The following ALPL variants were observed in gnomAD, a reference collection of about 807,000 sequenced individuals.
ALPL encodes alkaline phosphatase, tissue-nonspecific isozyme.
Under a neutral mutation model 51.3 loss-of-function variants are expected in ALPL, and 42 were observed. That is an observed-to-expected ratio of 0.82 (90% CI 0.64 to 1.06). ALPL has a LOEUF of 1.06. Ranked by LOEUF, ALPL falls within the 50% of genes least tolerant of loss-of-function variation. The pLI is 0.00. For synonymous variants in ALPL, 279 were observed against 296.4 expected (o/e 0.94, Z 0.60); for missense variants, 589 against 709.4 (o/e 0.83, Z 1.93).
Position 21,564,042 on chromosome 1 carries a change from G to A in ALPL, c.474G>A (p.Gly158=), listed in dbSNP as rs868361054. 1 of 1,613,776 alleles carries A rather than the reference G, an allele frequency of 6.2e-7. No homozygotes were observed. The change falls in exon 6 of 12, where the codon GGG becomes GGA. Residue 158 remains glycine, a splice_region_variant and synonymous_variant. Coordinates refer to ENST00000374840, the MANE Select transcript of ALPL (RefSeq NM_000478.6). The surrounding 1 kb of genome is among the most constrained non-coding windows in gnomAD (Gnocchi z 5.8). ...AAACCCGCCCCTCCTGCACCCCAGG[G>A]AAATCTGTGGGCATTGTGACCACCA... ...TSILRWAKDA[G]KSVGIVTTTR...
In ALPL at chr1:21,568,237, C is replaced by A. The variant is rs765149569; in HGVS notation, c.782C>A (p.Pro261Gln). The A allele has an allele frequency of 1.9e-6, 3 of 1,614,008 alleles. No homozygotes were observed. Among genetic ancestry groups the A allele is most frequent in the East Asian group, 4.5e-5 (2 of 44,860 alleles). ...DLVDTWKSFK[P>Q]RYKHSHFIWN... ...GTTGACACCTGGAAGAGCTTCAAAC[C>A]GAGATACAAGGTAGCCTGTGCTGGG... The change falls in exon 7 of 12, where the codon CCG (proline) becomes CAG (glutamine). Residue 261 changes from proline (P) to glutamine (Q), a missense_variant. Transcript: ENST00000374840.
chr1:21,525,431 G>A (rs932370549), intron 1 of ALPL, among the ~76,000 whole-genome samples: 2 of 152,236 alleles, frequency 1.3e-5, no homozygotes, highest in Non-Finnish European at 2.9e-5. Context: ...CCATCTACCT[G>A]GAGAAAGCTG....
intron 5 of ALPL, 64 bp from the exon 6 acceptor site, chr1:21,563,977 G>A (rs1644525763): frequency 4.4e-6 from 7 of 1,593,098 alleles, no homozygotes; most frequent in Non-Finnish European, 6.0e-6. Context: ...GGGAAGGGAG[G>A]GAGGAGGCCT....
At chr1:21,574,928 G>A (rs1176854132) in intron 9 of ALPL, among the ~76,000 whole-genome samples, 2 of 152,288 alleles carry the variant, frequency 1.3e-5, no homozygotes, top group Non-Finnish European at 2.9e-5. Flanking sequence ...CAAGCTGGGA[G>A]TGTCCACCAG....
chr1:21,554,876 TC>T (rs1458193263), intron 2 of ALPL, among the ~76,000 whole-genome samples: 87 of 141,056 alleles, frequency 6.2e-4, no homozygotes, highest in Non-Finnish European at 9.4e-4. Context: ...TTTCTTTCTC[TC>T]TTTCTTTCTT....
intron 2 of ALPL, among the ~76,000 whole-genome samples, chr1:21,560,388 G>T (rs903746950): frequency 6.6e-6 from 1 of 152,216 alleles, no homozygotes; most frequent in Non-Finnish European, 1.5e-5. Context: ...TTGTCTCTGA[G>T]CCTTGGTTTC....
chr1:21,542,608 G>A (rs911526149), intron 1 of ALPL, among the ~76,000 whole-genome samples: 3 of 152,210 alleles, frequency 2.0e-5, no homozygotes, highest in Admixed American at 6.5e-5. Flanking sequence ...TTGGGAGGCC[G>A]AGGCGGGCGG....
upstream of ALPL, among the ~76,000 whole-genome samples, chr1:21,509,134 A>G (rs1643626602): frequency 6.6e-6 from 1 of 152,036 alleles, no homozygotes; most frequent in South Asian, 2.1e-4. The surrounding 1 kb of genome is among the most constrained non-coding windows in gnomAD (Gnocchi z 6.0). Flanking sequence ...GCTCGCTGAG[A>G]GAGGAAGGGC....
chr1:21,562,742 G>T (rs1271222848), intron 4 of ALPL, among the ~76,000 whole-genome samples: 3 of 150,994 alleles, frequency 2.0e-5, no homozygotes, highest in African/African-American at 7.3e-5. Flanking sequence ...CTTCAAGAAG[G>T]CCCCTCCCTC....
At chr1:21,543,641 G>A (rs370516293) in intron 1 of ALPL, among the ~76,000 whole-genome samples, 3 of 152,080 alleles carry the variant, frequency 2.0e-5, no homozygotes, top group Non-Finnish European at 4.4e-5. Context: ...TTCATGCACC[G>A]CCTAGTCAAT....
rs768555495 is a variant in ALPL at position 21,573,722 on chromosome 1, C to T, written c.920C>T (p.Pro307Leu). ...YELNRNNVTD[P>L]SLSEMVVVAI... ...CTGAACAGGAACAACGTGACGGACC[C>T]GTCACTCTCCGAGATGGTGGTGGTG... The change falls in exon 9 of 12, where the codon CCG becomes CTG. Residue 307 changes from proline to leucine, a missense_variant. Physicochemically the swap from Pro to Leu is moderately conservative, Grantham distance 98. Coordinates refer to ENST00000374840, the MANE Select transcript of ALPL (RefSeq NM_000478.6). 1.1e-5 allele frequency: 17 copies of T among 1,613,984 alleles called. No individual in the cohort carries two copies. The highest frequency in any genetic ancestry group is 1.4e-5 in the Non-Finnish European group (17 of 1,180,022).
Position 21,509,881 on chromosome 1 carries a change from C to T in ALPL, c.-105+364C>T, listed in dbSNP as rs552419004. 6.6e-6 allele frequency among the ~76,000 whole-genome samples: 1 copy of T among 152,328 alleles called. No homozygotes were observed. The highest frequency in any genetic ancestry group is 2.1e-4 in the South Asian group (1 of 4,830). ...GTCTGGGCACCTGCCCTTGGTGCCC[C>T]GTGACTGAGCCCCTCCTGGTGCCTC... On this transcript the variant is annotated intron_variant, in intron 1 of 11. Transcript: ENST00000374840. This position sits in a 1 kb window ranked among gnomAD's most constrained non-coding sequence, Gnocchi z 6.0.
intron 3 of ALPL, 85 bp from the exon 4 acceptor site, chr1:21,561,012 C>A: frequency 7.7e-7 from 1 of 1,306,374 alleles, no homozygotes; most frequent in Non-Finnish European, 1.1e-6. Context: ...GCCTTGGTAC[C>A]GAACTAGAGA....
intron 1 of ALPL, among the ~76,000 whole-genome samples, chr1:21,538,296 G>A (rs971737567): frequency 2.0e-5 from 3 of 152,132 alleles, no homozygotes; most frequent in African/African-American, 4.8e-5. Context: ...TGGGGCTCTC[G>A]GCGTCAGCCC....
chr1:21,555,319 C>T (rs1001011124), intron 2 of ALPL, among the ~76,000 whole-genome samples: 3 of 152,206 alleles, frequency 2.0e-5, no homozygotes, highest in African/African-American at 7.2e-5. Context: ...ATTTAAATTT[C>T]ACTTCTTTTG....
rs1167272624 is a variant in ALPL, at chr1:21,564,369, G to A, written c.648+153G>A. 2.0e-5 allele frequency among the ~76,000 whole-genome samples: 3 copies of A among 152,158 alleles called. No homozygotes were observed. The highest frequency in any genetic ancestry group is 7.2e-5 in the African/African-American group (3 of 41,424). On this transcript the variant is annotated intron_variant, in intron 6 of 11. Coordinates refer to ENST00000374840, the MANE Select transcript of ALPL (RefSeq NM_000478.6). This position sits in a 1 kb window ranked among gnomAD's most constrained non-coding sequence, Gnocchi z 5.8. The stretch of plus-strand genomic sequence containing the variant: ...CAGCCCATTAGGGGATTTGCGGTTG[G>A]GCAGGCAGGCACTGTGGGATTTCTC...
chr1:21,520,706 C>T (rs758209658), intron 1 of ALPL, among the ~76,000 whole-genome samples: 1 of 152,072 alleles, frequency 6.6e-6, no homozygotes, highest in Non-Finnish European at 1.5e-5. Context: ...TGTGATCCGC[C>T]CACCTTAGCC....
chr1:21,554,483 T>C (rs1644372823), intron 2 of ALPL, among the ~76,000 whole-genome samples: 1 of 146,820 alleles, frequency 6.8e-6, no homozygotes, highest in African/African-American at 2.5e-5. Context: ...ATATTATATA[T>C]ATTCTTTCTT....
At chr1:21,570,193 T>G in intron 7 of ALPL, 112 bp from the exon 8 acceptor site, 1 of 1,100,772 alleles carries the variant, frequency 9.1e-7, no homozygotes, top group South Asian at 1.3e-5. Context: ...GGGAGAGATT[T>G]TTAAGTGAGG....
Sources: allele counts gnomAD v4.1 joint callset (sites outside exome capture counted in the v4.1 genomes callset), GRCh38; gene constraint gnomAD v4.1.1; non-coding constraint Gnocchi (gnomAD v3.1); transcripts MANE v1.5; gene names NCBI Gene and HGNC (gene_info 2026-07-23, HGNC 2026-07-21).